The following ARHGAP10 variants were observed in gnomAD, a reference collection of about 807,000 sequenced individuals.
ARHGAP10 encodes Rho GTPase activating protein 10.
ARHGAP10 carries 87 observed loss-of-function variants against 108.6 expected under a neutral mutation model. The observed-to-expected ratio is 0.80, with a 90% confidence interval of 0.67 to 0.96. The LOEUF (loss-of-function observed/expected upper bound fraction) is 0.96. Ranked by LOEUF, ARHGAP10 falls within the 40% of genes least tolerant of loss-of-function variation. The pLI is 0.00. For synonymous variants in ARHGAP10, 347 were observed against 341.1 expected, an observed-to-expected ratio of 1.02 and a Z score of -0.19; for missense variants, 939 against 954.5, an observed-to-expected ratio of 0.98 and a Z score of 0.21.
chr4:147,988,407 T>G (rs571603184), intron 18 of ARHGAP10, among the ~76,000 whole-genome samples: 1 of 152,168 alleles, frequency 6.6e-6, no homozygotes, highest in African/African-American at 2.4e-5. Flanking sequence ...TTCTTCCACA[T>G]CTCCTGGCTG....
intron 1 of ARHGAP10, among the ~76,000 whole-genome samples, chr4:147,800,712 G>A (rs940787296): frequency 3.9e-5 from 6 of 152,174 alleles, no homozygotes; most frequent in Non-Finnish European, 8.8e-5. Flanking sequence ...GTTCTCCTTT[G>A]GTTATCTCCT....
At chr4:147,929,327 A>T (rs1261852234) in intron 13 of ARHGAP10, among the ~76,000 whole-genome samples, 1 of 152,148 alleles carries the variant, frequency 6.6e-6, no homozygotes, top group African/African-American at 2.4e-5. Context: ...ATGATGGTGA[A>T]TATGTCCCTT....
At chr4:147,762,600 G>A (rs1729637291) in intron 1 of ARHGAP10, among the ~76,000 whole-genome samples, 1 of 150,872 alleles carries the variant, frequency 6.6e-6, no homozygotes, top group African/African-American at 2.4e-5. Context: ...GCGCAATCTC[G>A]GCTCCTGCAA....
intron 3 of ARHGAP10, among the ~76,000 whole-genome samples, chr4:147,823,562 A>C (rs547620408): frequency 2.2e-4 from 33 of 152,204 alleles, no homozygotes; most frequent in African/African-American, 7.2e-4. Flanking sequence ...GTTCGAGACC[A>C]GCCTGGCCCA....
chr4:147,854,998 C>T (rs1301712534), intron 4 of ARHGAP10, among the ~76,000 whole-genome samples: 4 of 152,188 alleles, frequency 2.6e-5, no homozygotes, highest in East Asian at 3.8e-4. Flanking sequence ...CTGATTAAAG[C>T]GTCACCCCTT....
intron 1 of ARHGAP10, among the ~76,000 whole-genome samples, chr4:147,771,937 G>T (rs749010568): frequency 3.3e-5 from 5 of 152,116 alleles, no homozygotes; most frequent in Non-Finnish European, 5.9e-5. Flanking sequence ...GACAACAGGC[G>T]TGCGCCACCA....
At position 147,925,727 on chromosome 4, in the gene ARHGAP10, C is replaced by T. The variant is rs529536214; in HGVS notation, c.1228+12588C>T. Among the ~76,000 whole-genome samples, 13 of 152,280 alleles carry T rather than the reference C, an allele frequency of 8.5e-5. 1 individual carries two copies. The South Asian group carries it at 2.3e-3, about 27-fold the overall frequency. On this transcript the variant is annotated intron_variant, in intron 13 of 22. Coordinates refer to ENST00000336498, the MANE Select transcript of ARHGAP10 (RefSeq NM_024605.4). ...TAACCAGTTATCCTGCATAGTTCCA[C>T]GGATACTAGTAGAAGACACAAGACT...
Position 147,829,713 on chromosome 4 carries a change from G to T in ARHGAP10, c.312+6756G>T, listed in dbSNP as rs556023399. Among the ~76,000 whole-genome samples the T allele has an allele frequency of 2.0e-5, 3 of 152,292 alleles. No homozygotes were observed. The East Asian group carries it at 5.8e-4, about 29-fold the overall frequency. On this transcript the variant is annotated intron_variant, in intron 3 of 22. Coordinates refer to ENST00000336498, the MANE Select transcript of ARHGAP10 (RefSeq NM_024605.4). The stretch of plus-strand genomic sequence containing the variant: ...GCAGGACATGTTGTACTTATCTGAG[G>T]TGGGCAGCTGTCCAGGAATCTAAGG...
At chr4:147,775,575 C>T (rs1243117946) in intron 1 of ARHGAP10, among the ~76,000 whole-genome samples, 1 of 152,108 alleles carries the variant, frequency 6.6e-6, no homozygotes, top group Non-Finnish European at 1.5e-5. Context: ...TGTCAGTACC[C>T]CTGGTCCTTG....
chr4:147,968,464 T>A (rs1739284505), intron 18 of ARHGAP10, among the ~76,000 whole-genome samples: 1 of 152,228 alleles, frequency 6.6e-6, no homozygotes, highest in African/African-American at 2.4e-5. Context: ...GTAACCCAGA[T>A]AAATGCACAT....
At chr4:148,058,985 G>A (rs1253231263) in intron 20 of ARHGAP10, among the ~76,000 whole-genome samples, 1 of 152,172 alleles carries the variant, frequency 6.6e-6, no homozygotes, top group Non-Finnish European at 1.5e-5. Flanking sequence ...AAATGCCTCC[G>A]TGGCGTCAGG....
intron 19 of ARHGAP10, among the ~76,000 whole-genome samples, chr4:148,027,070 T>C (rs554550252): frequency 1.3e-5 from 2 of 152,324 alleles, no homozygotes; most frequent in Non-Finnish European, 2.9e-5. Context: ...CAAAGTGATC[T>C]TTGTTATTTT....
intron 19 of ARHGAP10, among the ~76,000 whole-genome samples, chr4:148,044,948 G>T (rs759609040): frequency 1.3e-5 from 2 of 152,158 alleles, no homozygotes; most frequent in African/African-American, 4.8e-5. Context: ...TGTGGAAAAA[G>T]TGGCTTCACT....
chr4:148,028,918 CATT>C (rs767333610), intron 19 of ARHGAP10, among the ~76,000 whole-genome samples: 5 of 152,158 alleles, frequency 3.3e-5, no homozygotes, highest in Non-Finnish European at 5.9e-5. Context: ...GTAAATCTAT[CATT>C]GTGTTTATGT....
intron 13 of ARHGAP10, 129 bp downstream of exon 13, chr4:147,913,268 T>C (rs983505826): frequency 9.2e-6 from 7 of 758,610 alleles, no homozygotes; most frequent in African/African-American, 1.8e-5. Flanking sequence ...ATTCTGAGTA[T>C]CAGAAGGATC....
At chr4:148,064,615 C>G (rs1425113859) in intron 22 of ARHGAP10, 108 bp downstream of exon 22, 2 of 922,656 alleles carry the variant, frequency 2.2e-6, no homozygotes, top group African/African-American at 1.8e-5. Context: ...GGGCGAGTCT[C>G]CCCCTTGATG....
At chr4:147,811,028 T>C (rs988394620) in intron 1 of ARHGAP10, among the ~76,000 whole-genome samples, 1 of 152,248 alleles carries the variant, frequency 6.6e-6, no homozygotes, top group African/African-American at 2.4e-5. Context: ...GTCTAACTCT[T>C]TCTTTGCTTC....
intron 1 of ARHGAP10, among the ~76,000 whole-genome samples, chr4:147,818,134 C>T (rs1732327440): frequency 6.6e-6 from 1 of 151,356 alleles, no homozygotes; most frequent in Non-Finnish European, 1.5e-5. Context: ...TAAACTATCT[C>T]TGAACCTATT....
At chr4:147,911,402 G>A (rs542520200) in intron 12 of ARHGAP10, among the ~76,000 whole-genome samples, 5 of 152,150 alleles carry the variant, frequency 3.3e-5, no homozygotes, top group African/African-American at 7.2e-5. Flanking sequence ...TTGCTCTGTC[G>A]CCCAGGCTGC....
Sources: gnomAD v4.1 joint callset for allele counts (sites outside exome capture counted in the v4.1 genomes callset) on GRCh38, gnomAD v4.1.1 for gene constraint, MANE v1.5 for transcripts, NCBI Gene and HGNC (gene_info 2026-07-23, HGNC 2026-07-21) for gene names.